Variants in KIAA1958 observed in about 807,000 individuals in gnomAD.
KIAA1958 encodes KIAA1958, also known as uncharacterized protein KIAA1958.
In KIAA1958, 14 loss-of-function variants were observed where a neutral mutation model predicts 47.2. The ratio of observed to expected loss-of-function variants is 0.30; its 90% CI spans 0.20 to 0.46. KIAA1958 has a LOEUF of 0.46. KIAA1958 is among the 20% of genes least tolerant of loss of function. The pLI is 1.00. For synonymous variants in KIAA1958, 354 were observed against 353.3 expected (o/e 1.00, Z -0.02); for missense variants, 803 against 909.2 (o/e 0.88, Z 1.50).
At chr9:112,586,436 G>A (rs1159024770) in intron 2 of KIAA1958, among the ~76,000 whole-genome samples, 3 of 152,132 alleles carry the variant, frequency 2.0e-5, no homozygotes, top group African/African-American at 7.2e-5. Flanking sequence ...GGCAAAAGTA[G>A]AAAGGCAGAT....
At chr9:112,504,427 G>A (rs2132769431) in intron 1 of KIAA1958, among the ~76,000 whole-genome samples, 1 of 152,290 alleles carries the variant, frequency 6.6e-6, no homozygotes, top group East Asian at 1.9e-4. Flanking sequence ...GACCTCAAGT[G>A]ATCCACCGGC....
chr9:112,650,561 GAGAT>G (rs1440459572), intron 3 of KIAA1958, among the ~76,000 whole-genome samples: 2 of 151,372 alleles, frequency 1.3e-5, no homozygotes, highest in South Asian at 2.1e-4. Context: ...ATAAAACAAA[GAGAT>G]AGAGTGGATA....
chr9:112,620,854 G>A (rs909391068), intron 2 of KIAA1958, among the ~76,000 whole-genome samples: 7 of 151,808 alleles, frequency 4.6e-5, no homozygotes, highest in Admixed American at 1.3e-4. Context: ...ATACGTACTC[G>A]TAAGTCTTCT....
At chr9:112,546,943 T>C (rs1459214391) in intron 1 of KIAA1958, among the ~76,000 whole-genome samples, 1 of 151,894 alleles carries the variant, frequency 6.6e-6, no homozygotes, top group Non-Finnish European at 1.5e-5. Context: ...ATAAGAAATA[T>C]GTATATATAT....
intron 1 of KIAA1958, among the ~76,000 whole-genome samples, chr9:112,552,834 A>G (rs544417021): frequency 2.6e-5 from 4 of 152,286 alleles, no homozygotes; most frequent in East Asian, 1.9e-4. Context: ...GCTGTGTACA[A>G]TTCAAGTCGG....
intron 1 of KIAA1958, among the ~76,000 whole-genome samples, chr9:112,493,932 A>G (rs755123257): frequency 1.3e-5 from 2 of 152,196 alleles, no homozygotes; most frequent in Non-Finnish European, 2.9e-5. Context: ...TTCCCTCACA[A>G]TTACTTAACT....
At position 112,513,153 on chromosome 9, in the gene KIAA1958, C is replaced by T. The variant is rs1028428636; in HGVS notation, c.-25+26035C>T. Among the ~76,000 whole-genome samples, 9 of 149,098 alleles carry T rather than the reference C, an allele frequency of 6.0e-5. No homozygotes were observed. The South Asian group carries it at 1.3e-3, about 22-fold the overall frequency. On this transcript the variant is annotated intron_variant, in intron 1 of 3. Coordinates refer to ENST00000337530, the MANE Select transcript of KIAA1958 (RefSeq NM_133465.4). ...CAGAGTAGCTGGGATTACAGGCACACGCCACCATGCCCAGCTAATTTTTGT... is the reference window on the plus strand; with the variant it reads ...CAGAGTAGCTGGGATTACAGGCACATGCCACCATGCCCAGCTAATTTTTGT...
At chr9:112,491,557 TG>T (rs1833970175) in intron 1 of KIAA1958, among the ~76,000 whole-genome samples, 1 of 151,578 alleles carries the variant, frequency 6.6e-6, no homozygotes, top group Non-Finnish European at 1.5e-5. Flanking sequence ...TTTTTTTTTT[TG>T]TTTTTTTTGT....
intron 1 of KIAA1958, among the ~76,000 whole-genome samples, chr9:112,551,866 C>A (rs761753411): frequency 3.3e-5 from 5 of 152,214 alleles, no homozygotes; most frequent in Non-Finnish European, 7.3e-5. Flanking sequence ...GTTAAAATGG[C>A]TTTGCATGTG....
intron 2 of KIAA1958, among the ~76,000 whole-genome samples, chr9:112,584,399 A>G (rs1213844713): frequency 6.6e-6 from 1 of 152,252 alleles, no homozygotes; most frequent in Non-Finnish European, 1.5e-5. Flanking sequence ...TACTTTTAAA[A>G]ATAGATCATG....
At chr9:112,644,285 A>G (rs1836941496) in intron 2 of KIAA1958, among the ~76,000 whole-genome samples, 1 of 152,044 alleles carries the variant, frequency 6.6e-6, no homozygotes, top group South Asian at 2.1e-4. Context: ...GATCCTGGGG[A>G]CGGTAAGAGA....
chr9:112,495,730 G>A (rs1459257747), intron 1 of KIAA1958, among the ~76,000 whole-genome samples: 1 of 152,180 alleles, frequency 6.6e-6, no homozygotes, highest in African/African-American at 2.4e-5. Flanking sequence ...TAGCACATTT[G>A]TCATTGCTCC....
chr9:112,564,682 A>G (rs912702946), intron 1 of KIAA1958, among the ~76,000 whole-genome samples: 92 of 152,244 alleles, frequency 6.0e-4, no homozygotes, highest in African/African-American at 2.1e-3. Context: ...ATGTAAACAT[A>G]AAATTTATAG....
chr9:112,651,115 C>T (rs1409223490), intron 3 of KIAA1958, among the ~76,000 whole-genome samples: 1 of 152,080 alleles, frequency 6.6e-6, no homozygotes, highest in Non-Finnish European at 1.5e-5. Flanking sequence ...ATTTATAGAA[C>T]AAGTAGACTG....
intron 2 of KIAA1958, among the ~76,000 whole-genome samples, chr9:112,587,899 TAGACTCTGCTGTGAA>T (rs1320684185): frequency 2.6e-5 from 4 of 152,232 alleles, no homozygotes; most frequent in Non-Finnish European, 5.9e-5. Context: ...AAAATATCCA[TAGACTCTGCTGTGAA>T]AGATGAGGAT....
At chr9:112,527,213 T>C (rs1834673288) in intron 1 of KIAA1958, among the ~76,000 whole-genome samples, 1 of 152,148 alleles carries the variant, frequency 6.6e-6, no homozygotes, top group Non-Finnish European at 1.5e-5. Flanking sequence ...CAGACTACCT[T>C]AGTACAAAGA....
chr9:112,569,264 A>G lies in KIAA1958; in HGVS notation c.-24-4793A>G, dbSNP rs145802823. ...TGCTTCTGTATTGTGAGTAGGTGGA[A>G]ATTCATTCTACATGTACTCATACAG... On this transcript the variant is annotated intron_variant, in intron 1 of 3. Transcript: ENST00000337530. Among the ~76,000 whole-genome samples, 86 of 152,302 alleles carry G rather than the reference A, an allele frequency of 5.6e-4. 1 individual carries two copies. Among genetic ancestry groups the G allele is most frequent in the African/African-American group, 2.1e-3 (86 of 41,552 alleles).
chr9:112,591,176 C>T (rs1835912828), intron 2 of KIAA1958, among the ~76,000 whole-genome samples: 1 of 152,088 alleles, frequency 6.6e-6, no homozygotes, highest in Non-Finnish European at 1.5e-5. Flanking sequence ...CTCTGCCTCC[C>T]GGGTTCGTGC....
intron 1 of KIAA1958, among the ~76,000 whole-genome samples, chr9:112,532,194 T>C (rs1395029976): frequency 6.6e-6 from 1 of 152,216 alleles, no homozygotes; most frequent in African/African-American, 2.4e-5. Flanking sequence ...TGTCTGTGGG[T>C]GTCCTCTGGA....
Sources: allele counts gnomAD v4.1 joint callset (sites outside exome capture counted in the v4.1 genomes callset), GRCh38; gene constraint gnomAD v4.1.1; transcripts MANE v1.5; gene names NCBI Gene and HGNC (gene_info 2026-07-23, HGNC 2026-07-21).